Variants in SGCZ observed in about 807,000 individuals in gnomAD.
SGCZ encodes sarcoglycan zeta.
Under a neutral mutation model 41.3 loss-of-function variants are expected in SGCZ, and 40 were observed. The observed-to-expected ratio is 0.97, with a 90% CI of 0.75 to 1.26. The LOEUF (loss-of-function observed/expected upper bound fraction) is 1.26. Among genes scored for constraint, SGCZ ranks in the 50% most tolerant of loss-of-function variants. SGCZ has a pLI of 0.00. For missense variants in SGCZ, 552 were observed against 369.8 expected (o/e 1.49, Z -4.04); for synonymous variants, 206 against 137.5 (o/e 1.50, Z -3.49).
At chr8:14,299,411 T>C (rs529078785) in intron 3 of SGCZ, among the ~76,000 whole-genome samples, 3 of 151,938 alleles carry the variant, frequency 2.0e-5, no homozygotes, top group Non-Finnish European at 2.9e-5. Flanking sequence ...AACATATATA[T>C]CTGAGAAAGG....
chr8:14,862,758 G>A (rs1028650289), intron 1 of SGCZ, among the ~76,000 whole-genome samples: 1 of 151,808 alleles, frequency 6.6e-6, no homozygotes, highest in East Asian at 1.9e-4. Flanking sequence ...TCACATCTTT[G>A]TGTACTGACG....
At chr8:14,383,086 G>A (rs1431534991) in intron 2 of SGCZ, among the ~76,000 whole-genome samples, 3 of 152,146 alleles carry the variant, frequency 2.0e-5, no homozygotes, top group East Asian at 1.9e-4. Context: ...ATCATAAGAA[G>A]AATGGCATCT....
chr8:14,505,173 G>T (rs1017362173), intron 2 of SGCZ, among the ~76,000 whole-genome samples: 1 of 152,008 alleles, frequency 6.6e-6, no homozygotes, highest in African/African-American at 2.4e-5. Context: ...TATATATATA[G>T]AAAATATTTT....
rs547288134 is a variant in SGCZ at position 15,196,558 on chromosome 8, A to C, written c.39+41027T>G. On this transcript the variant is annotated intron_variant, in intron 1 of 7. Coordinates refer to ENST00000382080, the MANE Select transcript of SGCZ (RefSeq NM_139167.4). ...TATTGTGGGTGTTAAGACTTGCCAAAGTTTTCATTTGACTACAGAAGAAAC... is the reference window on the plus strand; with the variant it reads ...TATTGTGGGTGTTAAGACTTGCCAACGTTTTCATTTGACTACAGAAGAAAC... Among the ~76,000 whole-genome samples, 353 of 126,238 alleles carry C rather than the reference A, an allele frequency of 2.8e-3. 1 individual carries two copies. The highest frequency in any genetic ancestry group is 8.8e-3 in the African/African-American group (341 of 38,914). The allele number at this position is 126,238 out of a possible 152,430, so 82.8% of individuals were successfully genotyped here. A position where few individuals can be genotyped will look rare whatever the true frequency, so the allele number is the denominator to read the frequency against.
chr8:14,823,074 A>AAAAAAAAAAAAAAAAT (rs1802169352), intron 1 of SGCZ, among the ~76,000 whole-genome samples: 1 of 150,352 alleles, frequency 6.7e-6, no homozygotes, highest in Admixed American at 6.7e-5. Flanking sequence ...AAAAAAAAAA[A>AAAAAAAAAAAAAAAAT]AAAGACTTCT....
chr8:14,846,701 TCC>T (rs1314403792), intron 1 of SGCZ, among the ~76,000 whole-genome samples: 23,159 of 100,524 alleles, frequency 0.23, 2,656 homozygotes, highest in African/African-American at 0.35. Flanking sequence ...ACCCTTTAAA[TCC>T]AAAAAAAAAA....
chr8:15,206,115 G>C (rs1006658641), intron 1 of SGCZ, among the ~76,000 whole-genome samples: 24 of 152,220 alleles, frequency 1.6e-4, no homozygotes, highest in African/African-American at 5.8e-4. Context: ...ATAATCTGTA[G>C]AATAAACCAC....
intron 1 of SGCZ, among the ~76,000 whole-genome samples, chr8:14,896,437 T>A (rs992210142): frequency 3.3e-5 from 5 of 151,306 alleles, no homozygotes; most frequent in Non-Finnish European, 5.9e-5. Context: ...GATGGAAGAC[T>A]TTTATTTATT....
At chr8:14,938,152 A>C (rs1316026102) in intron 1 of SGCZ, among the ~76,000 whole-genome samples, 1 of 152,192 alleles carries the variant, frequency 6.6e-6, no homozygotes, top group Non-Finnish European at 1.5e-5. Flanking sequence ...GATTTATACA[A>C]GTTCTGCATG....
intron 1 of SGCZ, among the ~76,000 whole-genome samples, chr8:14,571,597 T>A (rs1231944073): frequency 6.6e-6 from 1 of 152,184 alleles, no homozygotes; most frequent in African/African-American, 2.4e-5. Flanking sequence ...TTTACAAAAT[T>A]AATTATTTGT....
At position 15,171,914 on chromosome 8, in the gene SGCZ, C is replaced by A. The variant is rs60021425; in HGVS notation, c.39+65671G>T. On this transcript the variant is annotated intron_variant, in intron 1 of 7. Coordinates refer to ENST00000382080, the MANE Select transcript of SGCZ (RefSeq NM_139167.4). ...GCTTGTAACCTATATTCAGAGGTCACTGACAGCCAAGTCAATTGAACAGAG... is the reference window on the plus strand; with the variant it reads ...GCTTGTAACCTATATTCAGAGGTCAATGACAGCCAAGTCAATTGAACAGAG... Among the ~76,000 whole-genome samples the A allele has an allele frequency of 2.5e-4, 38 of 152,246 alleles. 1 individual carries two copies. In the East Asian group the frequency reaches 7.1e-3, roughly 29 times the overall value.
At chr8:14,913,694 G>A (rs1799343925) in intron 1 of SGCZ, among the ~76,000 whole-genome samples, 1 of 151,852 alleles carries the variant, frequency 6.6e-6, no homozygotes, top group South Asian at 2.1e-4. Flanking sequence ...TTATGTGTGG[G>A]ATATATTTAA....
intron 2 of SGCZ, among the ~76,000 whole-genome samples, chr8:14,448,470 T>C (rs1197191592): frequency 6.6e-6 from 1 of 152,148 alleles, no homozygotes; most frequent in Non-Finnish European, 1.5e-5. Context: ...CTTTGCAGAA[T>C]TGAGAGCAGA....
At chr8:14,920,626 A>G (rs1307156150) in intron 1 of SGCZ, among the ~76,000 whole-genome samples, 1 of 152,210 alleles carries the variant, frequency 6.6e-6, no homozygotes, top group Non-Finnish European at 1.5e-5. Context: ...AGAGGAGGCT[A>G]TTAACATGCC....
chr8:14,296,359 A>C (rs1420921976), intron 3 of SGCZ, among the ~76,000 whole-genome samples: 1 of 152,186 alleles, frequency 6.6e-6, no homozygotes, highest in Non-Finnish European at 1.5e-5. Context: ...ATAGTATAAG[A>C]AATACTGAGG....
At chr8:14,472,995 A>G (rs1801256346) in intron 2 of SGCZ, among the ~76,000 whole-genome samples, 1 of 152,140 alleles carries the variant, frequency 6.6e-6, no homozygotes, top group African/African-American at 2.4e-5. Flanking sequence ...TGAAGTGGTA[A>G]TCCAAGAGTC....
intron 2 of SGCZ, among the ~76,000 whole-genome samples, chr8:14,366,922 C>T (rs1296958959): frequency 1.1e-4 from 16 of 152,142 alleles, no homozygotes; most frequent in Non-Finnish European, 2.2e-4. Flanking sequence ...GAGACATTTT[C>T]CCCAACGTCT....
intron 1 of SGCZ, among the ~76,000 whole-genome samples, chr8:14,916,822 G>T (rs746956895): frequency 9.9e-5 from 15 of 152,088 alleles, no homozygotes; most frequent in Admixed American, 2.0e-4. Context: ...CAAGGATTCA[G>T]CTGGGTACTT....
rs770994264 is a variant in SGCZ at position 14,710,369 on chromosome 8, CAAAA to C, written c.40-155447_40-155444del. On this transcript the variant is annotated intron_variant, in intron 1 of 7. Coordinates refer to ENST00000382080, the MANE Select transcript of SGCZ (RefSeq NM_139167.4). Reference sequence around the variant, plus strand: ...TGGGCGACAGAGCGAGACTCCGCATCAAAAAAAAAAAAAAAAAAAAAAGAATAAA... The same window carrying C: ...TGGGCGACAGAGCGAGACTCCGCATCAAAAAAAAAAAAAAAAAAGAATAAA... 1.6e-3 allele frequency among the ~76,000 whole-genome samples: 150 copies of C among 92,408 alleles called. 2 individuals are homozygous for C. The highest frequency in any genetic ancestry group is 4.9e-3 in the African/African-American group (135 of 27,340). 60.6% of individuals were successfully genotyped at this position (92,408 alleles called of 152,430 possible).
Sources: allele counts gnomAD v4.1 joint callset (sites outside exome capture counted in the v4.1 genomes callset), GRCh38; gene constraint gnomAD v4.1.1; transcripts MANE v1.5; gene names NCBI Gene and HGNC (gene_info 2026-07-23, HGNC 2026-07-21).